LHFPL3: variants seen among roughly 807,000 people sequenced by gnomAD.
The protein encoded by LHFPL3 is LHFPL tetraspan subfamily member 3.
In LHFPL3, 5 loss-of-function variants were observed where a neutral mutation model predicts 19.3. That is an observed-to-expected ratio of 0.26 (90% CI 0.14 to 0.54). The LOEUF (loss-of-function observed/expected upper bound fraction) is 0.54. Among genes scored for constraint, LHFPL3 ranks in the 20% least tolerant of loss-of-function variants. LHFPL3 has a pLI of 0.94. For missense variants in LHFPL3, 249 were observed against 307.4 expected (o/e 0.81, Z 1.42); for synonymous variants, 133 against 126.2 (o/e 1.05, Z -0.36).
intron 1 of LHFPL3, among the ~76,000 whole-genome samples, chr7:104,559,504 T>G (rs1789937706): frequency 6.7e-6 from 1 of 150,268 alleles, no homozygotes; most frequent in South Asian, 2.1e-4. Context: ...TGTATAAGAA[T>G]GCTTGTGATT....
chr7:104,713,265 T>C (rs1793327447), intron 1 of LHFPL3, among the ~76,000 whole-genome samples: 1 of 152,236 alleles, frequency 6.6e-6, no homozygotes, highest in Admixed American at 6.5e-5. Flanking sequence ...TTGGAATGTA[T>C]ACCACTCTAG....
chr7:104,559,258 A>C (rs1256839944), intron 1 of LHFPL3, among the ~76,000 whole-genome samples: 1 of 139,420 alleles, frequency 7.2e-6, no homozygotes, highest in Admixed American at 7.2e-5. Context: ...TGAATCTGTA[A>C]ATTACCTTGG....
chr7:104,342,275 T>C (rs34732616), intron 1 of LHFPL3, among the ~76,000 whole-genome samples: 86,080 of 151,794 alleles, frequency 0.57, 24,824 homozygotes, highest in East Asian at 0.68. Context: ...TAGTTGTGTT[T>C]CTGCAGGTGC....
At chr7:104,469,899 C>G (rs552284479) in intron 1 of LHFPL3, 59 of 378,090 alleles carry the variant, frequency 1.6e-4, no homozygotes, top group African/African-American at 1.2e-3. Flanking sequence ...ATATTAATAT[C>G]TATATCTAAC....
rs13241579 is a variant in LHFPL3, at chr7:104,860,178, C to A, written c.683-46009C>A. Among the ~76,000 whole-genome samples the A allele has an allele frequency of 4.8e-3, 616 of 128,998 alleles. 4 individuals are homozygous for A. The highest frequency in any genetic ancestry group is 0.017 in the East Asian group (72 of 4,250). The allele number at this position is 128,998 out of a possible 152,430, so 84.6% of individuals were successfully genotyped here. On this transcript the variant is annotated intron_variant, in intron 2 of 2. Coordinates refer to ENST00000424859, the MANE Select transcript of LHFPL3 (RefSeq NM_199000.3). ...CAAATACACACACACATACACCCAC[C>A]CACACACACACACACACACACACAC...
intron 2 of LHFPL3, among the ~76,000 whole-genome samples, chr7:104,875,017 A>ATT (rs34860948): frequency 1.4e-5 from 2 of 142,184 alleles, no homozygotes; most frequent in South Asian, 2.3e-4. Flanking sequence ...TGGGGAATGT[A>ATT]TTTTTTTTTT....
At chr7:104,479,712 T>C (rs995280974) in intron 1 of LHFPL3, among the ~76,000 whole-genome samples, 8 of 152,142 alleles carry the variant, frequency 5.3e-5, no homozygotes, top group Non-Finnish European at 8.8e-5. Context: ...CTTCTGCAAC[T>C]GTTAAACAGC....
intron 1 of LHFPL3, among the ~76,000 whole-genome samples, chr7:104,732,591 T>G (rs1014746157): frequency 6.6e-6 from 1 of 152,344 alleles, no homozygotes. Context: ...CATTTTCTAT[T>G]GCATCTATTT....
At chr7:104,387,917 A>G (rs1790982028) in intron 1 of LHFPL3, among the ~76,000 whole-genome samples, 1 of 152,162 alleles carries the variant, frequency 6.6e-6, no homozygotes, top group Non-Finnish European at 1.5e-5. Flanking sequence ...CCTGATAAGT[A>G]GTTTTTCTAT....
intron 1 of LHFPL3, among the ~76,000 whole-genome samples, chr7:104,394,556 C>T (rs1445574848): frequency 6.6e-6 from 1 of 152,040 alleles, no homozygotes; most frequent in African/African-American, 2.4e-5. Context: ...CCTACATTTC[C>T]ATCAGGAGAA....
intron 1 of LHFPL3, among the ~76,000 whole-genome samples, chr7:104,479,015 C>G (rs1290733704): frequency 6.6e-6 from 1 of 152,138 alleles, no homozygotes; most frequent in Non-Finnish European, 1.5e-5. Context: ...TTTACTAGCA[C>G]CACTCCTAAG....
intron 1 of LHFPL3, among the ~76,000 whole-genome samples, chr7:104,495,319 C>T (rs546746379): frequency 6.6e-6 from 1 of 152,274 alleles, no homozygotes; most frequent in African/African-American, 2.4e-5. Flanking sequence ...GTGATCCTCT[C>T]ACCTTAGCCT....
In LHFPL3 at chr7:104,903,101, TA is replaced by T. The variant is rs1268088104; in HGVS notation, c.683-3083del. Among the ~76,000 whole-genome samples the T allele has an allele frequency of 2.0e-5, 3 of 152,280 alleles. No homozygotes were observed. The East Asian group carries it at 5.8e-4, about 29-fold the overall frequency. ...GGTGTCACTACCCTGGGGTCTGATC[TA>T]AAGTCCTTCCAACACTCACTGCTCC... On this transcript the variant is annotated intron_variant, in intron 2 of 2. Coordinates refer to ENST00000424859, the MANE Select transcript of LHFPL3 (RefSeq NM_199000.3).
intron 2 of LHFPL3, among the ~76,000 whole-genome samples, chr7:104,742,795 T>C (rs1324826646): frequency 1.3e-5 from 2 of 152,192 alleles, no homozygotes; most frequent in African/African-American, 2.4e-5. Flanking sequence ...TTCATATCAG[T>C]GAGCACATTA....
At chr7:104,804,853 C>G (rs1790324214) in intron 2 of LHFPL3, among the ~76,000 whole-genome samples, 2 of 152,188 alleles carry the variant, frequency 1.3e-5, no homozygotes, top group Non-Finnish European at 2.9e-5. Context: ...ACAATGGATC[C>G]AGCCATGTCC....
chr7:104,759,827 G>A (rs1794344235), intron 2 of LHFPL3: 1 of 152,220 alleles, frequency 6.6e-6, no homozygotes, highest in Admixed American at 6.5e-5. Flanking sequence ...ACAGACCTGT[G>A]AGGAAAGGAG....
chr7:104,576,656 GT>G (rs111408027), intron 1 of LHFPL3, among the ~76,000 whole-genome samples: 3,299 of 152,068 alleles, frequency 0.022, 64 homozygotes, highest in East Asian at 0.12. Context: ...TTGTTTGTTT[GT>G]TTTGTTTTGT....
intron 2 of LHFPL3, among the ~76,000 whole-genome samples, chr7:104,866,448 TTAAAC>T (rs1791724878): frequency 2.0e-5 from 3 of 151,922 alleles, no homozygotes; most frequent in Non-Finnish European, 4.4e-5. Flanking sequence ...AAAACAAACT[TTAAAC>T]CAACAAAGAT....
chr7:104,791,381 A>T (rs536495869), intron 2 of LHFPL3, among the ~76,000 whole-genome samples: 21 of 152,336 alleles, frequency 1.4e-4, no homozygotes, highest in African/African-American at 4.8e-4. Context: ...TAGAGAAAGG[A>T]TTCCTGGCAG....
Sources: gnomAD v4.1 joint callset for allele counts (sites outside exome capture counted in the v4.1 genomes callset) on GRCh38, gnomAD v4.1.1 for gene constraint, MANE v1.5 for transcripts, NCBI Gene and HGNC (gene_info 2026-07-23, HGNC 2026-07-21) for gene names.